GRM8: variants seen among roughly 807,000 people sequenced by gnomAD.
GRM8 encodes the protein metabotropic glutamate receptor 8.
Under a neutral mutation model 87.2 loss-of-function variants are expected in GRM8, and 47 were observed. That is an observed-to-expected ratio of 0.54 (90% CI 0.43 to 0.69). The LOEUF (loss-of-function observed/expected upper bound fraction) is 0.69. GRM8 is among the 30% of genes least tolerant of loss of function. GRM8 has a pLI of 0.00. For missense variants in GRM8, 1,019 were observed against 1,139.2 expected (o/e 0.89, Z 1.52); for synonymous variants, 396 against 404.5 (o/e 0.98, Z 0.25).
intron 9 of GRM8, among the ~76,000 whole-genome samples, chr7:126,473,999 T>G (rs535395139): frequency 9.8e-5 from 15 of 152,296 alleles, no homozygotes; most frequent in Non-Finnish European, 1.9e-4. Context: ...AATTACCCAG[T>G]CTCAGATATT....
At chr7:126,947,765 C>A (rs1400109597) in intron 3 of GRM8, among the ~76,000 whole-genome samples, 1 of 152,118 alleles carries the variant, frequency 6.6e-6, no homozygotes, top group East Asian at 1.9e-4. Flanking sequence ...CAGTCGAAAT[C>A]ACTCACTTCA....
chr7:126,957,205 A>G (rs1808790576), intron 3 of GRM8, among the ~76,000 whole-genome samples: 2 of 152,200 alleles, frequency 1.3e-5, no homozygotes, highest in Admixed American at 1.3e-4. Context: ...AAAAATTAAT[A>G]AGCACTAAAG....
intron 8 of GRM8, among the ~76,000 whole-genome samples, chr7:126,537,638 A>T (rs1018431734): frequency 6.6e-6 from 1 of 152,022 alleles, no homozygotes; most frequent in Admixed American, 6.6e-5. Context: ...TTAGCCGGGC[A>T]TGGTGGCAGG....
chr7:126,498,348 T>A (rs186299096), intron 9 of GRM8, among the ~76,000 whole-genome samples: 71 of 152,096 alleles, frequency 4.7e-4, no homozygotes, highest in Non-Finnish European at 8.7e-4. Context: ...AAGATAGTAT[T>A]AAGGGCCAAA....
At chr7:127,216,535 C>CAA (rs796757040) in intron 2 of GRM8, among the ~76,000 whole-genome samples, 1 of 115,960 alleles carries the variant, frequency 8.6e-6, no homozygotes. Flanking sequence ...AAAAAAAAAA[C>CAA]AAAAAAAAAA....
intron 2 of GRM8, among the ~76,000 whole-genome samples, chr7:127,216,517 CAA>C (rs58730624): frequency 0.011 from 684 of 62,958 alleles, 1 homozygote; most frequent in African/African-American, 0.03. Flanking sequence ...GACTCCGTCT[CAA>C]AAAAAAAAAA....
intron 6 of GRM8, among the ~76,000 whole-genome samples, chr7:126,886,044 G>T (rs1247710893): frequency 1.3e-5 from 2 of 152,114 alleles, no homozygotes; most frequent in Non-Finnish European, 2.9e-5. Context: ...AGATAACCCA[G>T]GTAACTGTGC....
intron 7 of GRM8, among the ~76,000 whole-genome samples, chr7:126,736,275 C>A (rs1426554585): frequency 6.6e-6 from 1 of 152,098 alleles, no homozygotes; most frequent in Non-Finnish European, 1.5e-5. Flanking sequence ...AACACCTTTA[C>A]AACTATGTAC....
intron 6 of GRM8, among the ~76,000 whole-genome samples, chr7:126,898,781 C>T (rs1318335842): frequency 4.6e-5 from 7 of 152,088 alleles, no homozygotes; most frequent in Admixed American, 4.6e-4. Flanking sequence ...TTTTATTGTA[C>T]TTTAAGCTCT....
intron 3 of GRM8, among the ~76,000 whole-genome samples, chr7:127,100,390 G>C (rs6977479): frequency 0.24 from 35,887 of 152,016 alleles, 4,931 homozygotes; most frequent in African/African-American, 0.38. Context: ...AAAGGAGACT[G>C]AGAGCCCTCC....
intron 9 of GRM8, among the ~76,000 whole-genome samples, chr7:126,481,106 A>G (rs116651556): frequency 0.013 from 1,974 of 152,276 alleles, 41 homozygotes; most frequent in African/African-American, 0.046. Flanking sequence ...CCAATAAATA[A>G]AATAAATACT....
chr7:126,847,080 A>G (rs1796769437), intron 6 of GRM8, among the ~76,000 whole-genome samples: 1 of 152,192 alleles, frequency 6.6e-6, no homozygotes, highest in Non-Finnish European at 1.5e-5. Context: ...AAGGTAAATA[A>G]TATAAAATTG....
At chr7:126,583,752 G>A (rs1287983756) in intron 8 of GRM8, among the ~76,000 whole-genome samples, 2 of 145,850 alleles carry the variant, frequency 1.4e-5, no homozygotes, top group African/African-American at 5.1e-5. Flanking sequence ...TCCTATGAAT[G>A]AGCAAAAAAA....
At chr7:126,534,041 T>A (rs563273367) in intron 8 of GRM8, 154 bp from the exon 9 acceptor site, 2 of 620,728 alleles carry the variant, frequency 3.2e-6, no homozygotes, top group Non-Finnish European at 5.6e-6. Flanking sequence ...GATATTGACT[T>A]TATGAAAGTG....
At chr7:126,616,576 A>G (rs1267024755) in intron 7 of GRM8, among the ~76,000 whole-genome samples, 3 of 152,214 alleles carry the variant, frequency 2.0e-5, no homozygotes, top group African/African-American at 7.2e-5. Flanking sequence ...CAAAAAATCA[A>G]TGAATCCAGG....
intron 7 of GRM8, among the ~76,000 whole-genome samples, chr7:126,756,808 C>A (rs992672920): frequency 1.3e-5 from 2 of 151,996 alleles, no homozygotes; most frequent in Non-Finnish European, 2.9e-5. Context: ...AGAGAATGAA[C>A]CTCAACATAG....
In GRM8 at chr7:127,123,694, T is replaced by C. The variant is rs1253130528; in HGVS notation, c.511-16982A>G. On this transcript the variant is annotated intron_variant, in intron 2 of 10. Coordinates refer to ENST00000339582, the MANE Select transcript of GRM8 (RefSeq NM_000845.3). ...TAAGACAACTTTATTATTCTGCCCA[T>C]GGTTTCTAATAAAACATTACCAAAT... is the stretch of plus-strand genomic sequence containing the variant. Among the ~76,000 whole-genome samples the C allele has an allele frequency of 2.0e-5, 3 of 152,348 alleles. No individual in the cohort carries two copies. In the East Asian group the frequency reaches 5.8e-4, roughly 29 times the overall value.
intron 3 of GRM8, among the ~76,000 whole-genome samples, chr7:126,954,328 T>A (rs1420403463): frequency 1.3e-5 from 2 of 152,100 alleles, no homozygotes; most frequent in African/African-American, 4.8e-5. Flanking sequence ...CCCTTAAGCC[T>A]TTCCCCTGAA....
intron 3 of GRM8, among the ~76,000 whole-genome samples, chr7:127,015,103 G>T (rs943347718): frequency 7.8e-6 from 1 of 127,424 alleles, no homozygotes; most frequent in Non-Finnish European, 1.8e-5. Context: ...GAAGGAGAAG[G>T]AGAAGGAAGA....
Sources: allele counts gnomAD v4.1 joint callset (sites outside exome capture counted in the v4.1 genomes callset), GRCh38; gene constraint gnomAD v4.1.1; transcripts MANE v1.5; gene names NCBI Gene and HGNC (gene_info 2026-07-23, HGNC 2026-07-21).